Variants in ZCCHC4 observed in about 807,000 individuals in gnomAD.
ZCCHC4 encodes the protein rRNA N(6)-adenosine-methyltransferase ZCCHC4.
Under a neutral mutation model 67.7 loss-of-function variants are expected in ZCCHC4, and 54 were observed. The ratio of observed to expected loss-of-function variants is 0.80; its 90% CI spans 0.64 to 1.00. ZCCHC4 has a LOEUF of 1.00. Among genes scored for constraint, ZCCHC4 ranks in the 50% least tolerant of loss-of-function variants. The pLI, the probability that ZCCHC4 is intolerant of heterozygous loss-of-function variation, is 0.00. For missense variants in ZCCHC4, 609 were observed against 617.0 expected (o/e 0.99, Z 0.14); for synonymous variants, 198 against 213.5 (o/e 0.93, Z 0.63).
intron 3 of ZCCHC4, among the ~76,000 whole-genome samples, chr4:25,327,938 A>G (rs1718976175): frequency 1.3e-5 from 2 of 152,104 alleles, no homozygotes; most frequent in African/African-American, 2.4e-5. Flanking sequence ...GATAAACTAT[A>G]TTTCGTCATG....
intron 8 of ZCCHC4, among the ~76,000 whole-genome samples, chr4:25,353,150 A>G (rs1367705026): frequency 3.3e-5 from 5 of 152,162 alleles, no homozygotes; most frequent in African/African-American, 9.7e-5. Context: ...TTCTTTTTGG[A>G]CTACAGGTTG....
At chr4:25,329,393 T>A (rs1719056261) in intron 3 of ZCCHC4, among the ~76,000 whole-genome samples, 1 of 151,956 alleles carries the variant, frequency 6.6e-6, no homozygotes, top group Non-Finnish European at 1.5e-5. Flanking sequence ...TCATTTTGTA[T>A]CATTCTGAGA....
intron 10 of ZCCHC4, among the ~76,000 whole-genome samples, chr4:25,362,997 T>G (rs1237179818): frequency 6.6e-6 from 1 of 152,170 alleles, no homozygotes; most frequent in Non-Finnish European, 1.5e-5. Flanking sequence ...TTACAACTGA[T>G]GGGCCTGCGT....
chr4:25,325,633 T>C (rs1292823546), intron 3 of ZCCHC4, among the ~76,000 whole-genome samples: 1 of 152,242 alleles, frequency 6.6e-6, no homozygotes, highest in Non-Finnish European at 1.5e-5. Flanking sequence ...ATTTATTTTT[T>C]GTCACTTAAG....
intron 2 of ZCCHC4, among the ~76,000 whole-genome samples, chr4:25,314,651 A>C (rs557079247): frequency 6.6e-6 from 1 of 152,270 alleles, no homozygotes; most frequent in East Asian, 1.9e-4. Flanking sequence ...GAAGGACACT[A>C]ATCTCATTCC....
intron 3 of ZCCHC4, among the ~76,000 whole-genome samples, chr4:25,319,254 G>A (rs924795258): frequency 2.0e-5 from 3 of 152,034 alleles, no homozygotes; most frequent in Admixed American, 6.5e-5. Context: ...GCGTGGTGGC[G>A]GGCGCCTGTA....
chr4:25,340,852 T>C (rs1375610722), intron 5 of ZCCHC4, among the ~76,000 whole-genome samples: 2 of 152,198 alleles, frequency 1.3e-5, no homozygotes, highest in Admixed American at 1.3e-4. Flanking sequence ...TTGAATAACA[T>C]GGTTTTGGAC....
chr4:25,356,522 C>G (rs562591150), intron 8 of ZCCHC4, among the ~76,000 whole-genome samples: 2 of 151,890 alleles, frequency 1.3e-5, no homozygotes, highest in Non-Finnish European at 2.9e-5. Context: ...CACATACATT[C>G]GCTGACTCCT....
intron 8 of ZCCHC4, among the ~76,000 whole-genome samples, chr4:25,358,968 T>A (rs1459068368): frequency 6.6e-6 from 1 of 152,196 alleles, no homozygotes; most frequent in Non-Finnish European, 1.5e-5. Context: ...CCACTCCCCT[T>A]GGTCCTCTGT....
Position 25,314,180 on chromosome 4 carries a change from G to A in ZCCHC4, c.246+16G>A. ...AGATGAAAAGGTATATCAACTTTTT[G>A]GATATTTATTTTTTATTTTTGGTAT... On this transcript the variant is annotated intron_variant, in intron 2 of 12. Transcript: ENST00000302874. The A allele has an allele frequency of 6.6e-7, 1 of 1,521,158 alleles. No individual in the cohort carries two copies. The highest frequency in any genetic ancestry group is 9.0e-7 in the Non-Finnish European group (1 of 1,115,382). The allele number at this position is 1,521,158 out of a possible 1,614,324, so 94.2% of individuals were successfully genotyped here. A position where few individuals can be genotyped will look rare whatever the true frequency, so the allele number is the denominator to read the frequency against.
chr4:25,333,217 A>G lies in ZCCHC4; in HGVS notation c.364A>G (p.Arg122Gly). 6.2e-7 allele frequency: 1 copy of G among 1,614,148 alleles called. No homozygotes were observed. The highest frequency in any genetic ancestry group is 8.5e-7 in the Non-Finnish European group (1 of 1,179,984). Residue 122 changes from arginine (R) to glycine (G), a missense_variant, in exon 4 of 13, where the codon AGA becomes GGA. Transcript: ENST00000302874. ...GTTTATTGAGTTGCCCTTGACTCAGAGAAAGTTTTGTCAAACATGTCAGCA... is the reference window on the plus strand; with the variant it reads ...GTTTATTGAGTTGCCCTTGACTCAGGGAAAGTTTTGTCAAACATGTCAGCA... ...LKFIELPLTQ[R>G]KFCQTCQQLL...
At chr4:25,318,852 A>G (rs73254142) in intron 3 of ZCCHC4, among the ~76,000 whole-genome samples, 6,182 of 152,168 alleles carry the variant, frequency 0.041, 147 homozygotes, top group African/African-American at 0.063. Context: ...GTATGTCTCA[A>G]TAAAATGCTT....
intron 6 of ZCCHC4, 148 bp downstream of exon 6, chr4:25,345,768 T>G (rs1296362345): frequency 1.6e-6 from 1 of 617,050 alleles, no homozygotes; most frequent in East Asian, 2.8e-5. Context: ...CTTTCACTGT[T>G]TATTGAGCAC....
chr4:25,365,262 C>T, intron 12 of ZCCHC4, 96 bp downstream of exon 12: 1 of 1,538,498 alleles, frequency 6.5e-7, no homozygotes, highest in Non-Finnish European at 8.7e-7. Flanking sequence ...CTTGAAGTGC[C>T]AAGTTAATTG....
At chr4:25,319,867 T>C (rs561606123) in intron 3 of ZCCHC4, among the ~76,000 whole-genome samples, 1 of 152,270 alleles carries the variant, frequency 6.6e-6, no homozygotes, top group South Asian at 2.1e-4. Context: ...TTGAAAATAT[T>C]AAACTGCATT....
rs774212904 is a variant in ZCCHC4 at position 25,315,306 on chromosome 4, A to G, written c.247-12A>G. 8.1e-6 allele frequency: 13 copies of G among 1,605,884 alleles called. No individual in the cohort carries two copies. In the African/African-American group the frequency reaches 1.5e-4, roughly 18 times the overall value. ...TCACAGTTTATTCAATGGGTTTTGT[A>G]CTCTCTTTCAGTTGTCAGGAGCTAG... On this transcript the variant is annotated splice_polypyrimidine_tract_variant and intron_variant, in intron 2 of 12. Transcript: ENST00000302874.
chr4:25,317,704 C>CAAAAAAAAAAA (rs778867924), intron 3 of ZCCHC4, among the ~76,000 whole-genome samples: 12 of 72,334 alleles, frequency 1.7e-4, no homozygotes, highest in South Asian at 5.7e-4. Flanking sequence ...GACGCTGTCA[C>CAAAAAAAAAAA]AAAAAAAAAA....
intron 3 of ZCCHC4, among the ~76,000 whole-genome samples, chr4:25,327,384 C>T (rs2324673): frequency 0.49 from 63,638 of 131,094 alleles, 15,918 homozygotes; most frequent in Non-Finnish European, 0.58. Context: ...GAATCTCCCT[C>T]CCTCCCTCCC....
rs1395177516 is a variant in ZCCHC4 at position 25,318,625 on chromosome 4, G to T, written c.329+3225G>T. Among the ~76,000 whole-genome samples, 4 of 151,570 alleles carry T rather than the reference G, an allele frequency of 2.6e-5. No individual in the cohort carries two copies. The East Asian group carries it at 7.8e-4, about 30-fold the overall frequency. ...CCATCTTGACCTCCCAAAGTGCTGG[G>T]ATTACAGGCGTGAGCCACCATGCCA... is the stretch of plus-strand genomic sequence containing the variant. On this transcript the variant is annotated intron_variant, in intron 3 of 12. Transcript: ENST00000302874.
Sources: gnomAD v4.1 joint callset for allele counts (sites outside exome capture counted in the v4.1 genomes callset) on GRCh38, gnomAD v4.1.1 for gene constraint, MANE v1.5 for transcripts, NCBI Gene and HGNC (gene_info 2026-07-23, HGNC 2026-07-21) for gene names.